Variants in DIAPH3 observed in about 807,000 individuals in gnomAD.
DIAPH3 encodes the protein diaphanous related formin 3.
In DIAPH3, 117 loss-of-function variants were observed where a neutral mutation model predicts 144.3. The observed-to-expected ratio is 0.81, with a 90% CI of 0.70 to 0.95. The LOEUF (loss-of-function observed/expected upper bound fraction) is 0.95. Among genes scored for constraint, DIAPH3 ranks in the 40% least tolerant of loss-of-function variants. The probability of loss-of-function intolerance (pLI) is 0.00; values close to 1 mark genes in which losing one functional copy is unlikely to be tolerated. For synonymous variants in DIAPH3, 519 were observed against 488.9 expected (o/e 1.06, Z -0.81); for missense variants, 1,421 against 1,412.7 (o/e 1.01, Z -0.09).
chr13:60,097,575 A>C (rs531205709), intron 3 of DIAPH3, among the ~76,000 whole-genome samples: 1 of 152,286 alleles, frequency 6.6e-6, no homozygotes, highest in East Asian at 1.9e-4. Context: ...CTCTTTTTTA[A>C]ATTATTCAGC....
intron 17 of DIAPH3, among the ~76,000 whole-genome samples, chr13:59,925,859 G>GT (rs2047725843): frequency 6.6e-6 from 1 of 151,938 alleles, no homozygotes. Flanking sequence ...TATTTCTGTG[G>GT]TATCAGTTGT....
chr13:60,061,716 C>T (rs573284734), intron 4 of DIAPH3, among the ~76,000 whole-genome samples: 9 of 151,566 alleles, frequency 5.9e-5, no homozygotes, highest in Non-Finnish European at 1.3e-4. Context: ...TCTTAATAGA[C>T]GCTAAGCAAA....
Position 59,879,327 on chromosome 13 carries a change from TA to T in DIAPH3, c.2508del (p.Phe836LeufsTer10). 3.1e-6 allele frequency: 5 copies of T among 1,613,894 alleles called. No individual in the cohort carries two copies. The highest frequency in any genetic ancestry group is 4.2e-6 in the Non-Finnish European group (5 of 1,179,860). On this transcript the variant is annotated frameshift_variant, in exon 21 of 28. Transcript: ENST00000400324. LOFTEE classifies it high-confidence loss of function. ...AGCAATACAAGTTCCAGCAACTTGC[TA>T]AAGCTTTTGCTCTTCTTTATCTCTT... The part of the protein sequence containing the change: ...ACEEIKKSKS[F>X]SKLLELVLLM...
In DIAPH3 at chr13:59,833,163, T is replaced by A. The variant is rs531346416; in HGVS notation, c.2971A>T (p.Lys991Ter). Residue 991 changes from lysine (K) to a stop codon, truncating the protein, a stop_gained, in exon 24 of 28, where the codon AAG becomes TAG. Coordinates refer to ENST00000400324, the MANE Select transcript of DIAPH3 (RefSeq NM_001042517.2). LOFTEE classifies it high-confidence loss of function. Reference protein sequence around the residue: ...IIGYYAIDVKKVSVEDFLTDL... With the variant: ...IIGYYAIDVK ...GTAAGAAAGTCTTCCACAGACACCT[T>A]CTTCACATCAATGGCATAGTATCCT... 2.5e-6 allele frequency: 4 copies of A among 1,611,016 alleles called. No homozygotes were observed. The South Asian group carries it at 4.4e-5, about 18-fold the overall frequency.
At chr13:60,096,443 G>A (rs1408752004) in intron 3 of DIAPH3, among the ~76,000 whole-genome samples, 1 of 152,156 alleles carries the variant, frequency 6.6e-6, no homozygotes, top group African/African-American at 2.4e-5. Context: ...AAAAGTGGTT[G>A]TGATTGTTAT....
At chr13:59,677,698 A>G (rs73540702) in intron 27 of DIAPH3, among the ~76,000 whole-genome samples, 9 of 152,230 alleles carry the variant, frequency 5.9e-5, no homozygotes, top group African/African-American at 2.2e-4. Flanking sequence ...TTACCTATAC[A>G]TTATGTATTT....
intron 5 of DIAPH3, among the ~76,000 whole-genome samples, chr13:60,036,498 G>A (rs1297516010): frequency 1.3e-5 from 2 of 150,630 alleles, no homozygotes; most frequent in African/African-American, 2.4e-5. Flanking sequence ...TTGAATAACA[G>A]GAAAGAAAAC....
At chr13:59,695,956 T>C (rs1056928835) in intron 27 of DIAPH3, 1 of 152,162 alleles carries the variant, frequency 6.6e-6, no homozygotes, top group Non-Finnish European at 1.5e-5. Context: ...TCTTTAAAAA[T>C]AAAACAGTAG....
intron 1 of DIAPH3, among the ~76,000 whole-genome samples, chr13:60,141,811 GATAAAA>G (rs2059429849): frequency 6.6e-6 from 1 of 152,202 alleles, no homozygotes; most frequent in Non-Finnish European, 1.5e-5. Context: ...TGAATGCTCT[GATAAAA>G]ATAAAAAGTA....
At chr13:59,873,769 C>T (rs546194461) in intron 21 of DIAPH3, among the ~76,000 whole-genome samples, 1 of 150,432 alleles carries the variant, frequency 6.6e-6, no homozygotes, top group Admixed American at 6.7e-5. Flanking sequence ...CGGGTTCAAG[C>T]GATTCTCCTG....
At position 60,163,684 on chromosome 13, in the gene DIAPH3, C is replaced by G; in HGVS notation, c.83G>C (p.Arg28Pro). Residue 28 changes from arginine to proline, a missense_variant, in exon 1 of 28, where the codon CGC (arginine) becomes CCC (proline). Coordinates refer to ENST00000400324, the MANE Select transcript of DIAPH3 (RefSeq NM_001042517.2). ...GTPYPSSASL[R>P]GCRESKMPRR... Reference sequence around the variant, plus strand: ...CGGCATCTTGCTTTCCCGGCAGCCGCGGAGAGAGGCTGAGGAAGGGTAGGG... The same window carrying G: ...CGGCATCTTGCTTTCCCGGCAGCCGGGGAGAGAGGCTGAGGAAGGGTAGGG... 1.9e-6 allele frequency: 3 copies of G among 1,607,600 alleles called. No individual in the cohort carries two copies. The highest frequency in any genetic ancestry group is 2.6e-6 in the Non-Finnish European group (3 of 1,175,568).
intron 5 of DIAPH3, among the ~76,000 whole-genome samples, chr13:60,025,566 C>A (rs1278195297): frequency 2.0e-5 from 3 of 148,798 alleles, no homozygotes; most frequent in Admixed American, 1.3e-4. Flanking sequence ...CCTGACATAA[C>A]AAATCCAAAG....
chr13:60,080,012 A>C (rs1457290422), intron 4 of DIAPH3, among the ~76,000 whole-genome samples: 2 of 151,918 alleles, frequency 1.3e-5, no homozygotes, highest in Admixed American at 1.3e-4. Flanking sequence ...AGTCCTAGAG[A>C]AAAATAATGA....
At position 59,810,775 on chromosome 13, in the gene DIAPH3, T is replaced by C. The variant is rs747665220; in HGVS notation, c.3163+13A>G. On this transcript the variant is annotated intron_variant, in intron 25 of 27. Transcript: ENST00000400324. ...GTATACATAGAATAAATAACAAATTTGATAGTACTCACCAGTCTTCATTTC... is the reference window on the plus strand; with the variant it reads ...GTATACATAGAATAAATAACAAATTCGATAGTACTCACCAGTCTTCATTTC... The C allele has an allele frequency of 6.2e-7, 1 of 1,612,290 alleles. No homozygotes were observed. The highest frequency in any genetic ancestry group is 8.5e-7 in the Non-Finnish European group (1 of 1,179,524).
chr13:59,691,336 A>G (rs1458111342), intron 27 of DIAPH3, among the ~76,000 whole-genome samples: 4 of 152,140 alleles, frequency 2.6e-5, no homozygotes, highest in African/African-American at 9.7e-5. Context: ...TTTTATCCCC[A>G]TGGGTCATAC....
chr13:59,937,761 T>G (rs2048333276), intron 17 of DIAPH3, among the ~76,000 whole-genome samples: 1 of 152,154 alleles, frequency 6.6e-6, no homozygotes, highest in African/African-American at 2.4e-5. Context: ...CTATATTTGA[T>G]GACAGCATGC....
In DIAPH3 at chr13:59,760,413, C is replaced by T. The variant is rs77505809; in HGVS notation, c.3319+13776G>A. Among the ~76,000 whole-genome samples, 1,339 of 152,278 alleles carry T rather than the reference C, an allele frequency of 8.8e-3. 11 individuals carry two copies. Among genetic ancestry groups the T allele is most frequent in the Middle Eastern group, 0.054 (16 of 294 alleles). On this transcript the variant is annotated intron_variant, in intron 27 of 27. Transcript: ENST00000400324. ...TAATAAGATGTGAGTAATAAAAGAACTGATAATAAAAGTTTCTTAGTTGTC... is the reference window on the plus strand; with the variant it reads ...TAATAAGATGTGAGTAATAAAAGAATTGATAATAAAAGTTTCTTAGTTGTC...
intron 27 of DIAPH3, among the ~76,000 whole-genome samples, chr13:59,700,709 T>C (rs1174807711): frequency 6.6e-6 from 1 of 152,154 alleles, no homozygotes; most frequent in Non-Finnish European, 1.5e-5. Context: ...GGACTTCATA[T>C]GGGAAAGAAA....
At position 60,042,771 on chromosome 13, in the gene DIAPH3, T is replaced by C. The variant is rs2055776558; in HGVS notation, c.545A>G (p.Glu182Gly). The C allele has an allele frequency of 1.9e-6, 3 of 1,613,648 alleles. No individual in the cohort carries two copies. The highest frequency in any genetic ancestry group is 3.3e-5 in the Admixed American group (2 of 59,980). ...CTCATCTGCAGACCCCATTTTCAGC[T>C]CATGAATGAATTCCTGAGGTGAGAT... ...RQISPQEFIH[E>G]LKMGSADERL... Residue 182 changes from glutamate to glycine, a missense_variant, in exon 5 of 28, where the codon GAG becomes GGG. Transcript: ENST00000400324.
Sources: allele counts gnomAD v4.1 joint callset (sites outside exome capture counted in the v4.1 genomes callset), GRCh38; gene constraint gnomAD v4.1.1; transcripts MANE v1.5; gene names NCBI Gene and HGNC (gene_info 2026-07-23, HGNC 2026-07-21).